The following COL9A1 variants were observed in gnomAD, a reference collection of about 807,000 sequenced individuals.
COL9A1 encodes the protein collagen type IX alpha 1 chain.
A neutral mutation model predicts 142.6 loss-of-function variants in COL9A1; 104 were observed. The observed-to-expected ratio is 0.73, with a 90% CI of 0.62 to 0.86. The LOEUF is 0.86. Among genes scored for constraint, COL9A1 ranks in the 40% least tolerant of loss-of-function variants. The pLI, the probability that COL9A1 is intolerant of heterozygous loss-of-function variation, is 0.00. For missense variants in COL9A1, 1,210 were observed against 1,176.6 expected, an observed-to-expected ratio of 1.03 and a Z score of -0.42; for synonymous variants, 466 against 396.0, an observed-to-expected ratio of 1.18 and a Z score of -2.10.
At chr6:70,283,312 T>A in intron 6 of COL9A1, 2 of 1,263,402 alleles carry the variant, frequency 1.6e-6, no homozygotes, top group Non-Finnish European at 1.1e-6. Context: ...CTTAACCCCT[T>A]CCCTGCCGCC....
chr6:70,216,881 T>TGCAGC lies in COL9A1; in HGVS notation c.*11_*15dup. ...CAGGCGTGGTTCATGCAGACAGCCA[T>TGCAGC]GCAGCAGTAAGCCTTTCAAGGGTCA... On this transcript the variant is annotated 3_prime_UTR_variant, in exon 38 of 38. Transcript: ENST00000357250. 1 of 1,613,586 alleles carries TGCAGC rather than the reference T, an allele frequency of 6.2e-7. No individual in the cohort carries two copies. The highest frequency in any genetic ancestry group is 8.5e-7 in the Non-Finnish European group (1 of 1,179,948).
intron 25 of COL9A1, 73 bp from the exon 26 acceptor site, chr6:70,253,502 C>T (rs1006408780): frequency 6.7e-6 from 7 of 1,045,192 alleles, no homozygotes; most frequent in African/African-American, 4.7e-5. Flanking sequence ...GCCCACTGCA[C>T]ACTGCAGGGA....
chr6:70,283,690 G>T, intron 6 of COL9A1, 47 bp downstream of exon 6: 3 of 1,413,406 alleles, frequency 2.1e-6, no homozygotes, highest in East Asian at 2.3e-5. Flanking sequence ...AGGTGGAGAG[G>T]GTTGAGCTGG....
At chr6:70,244,528 G>A (rs1013475455) in intron 28 of COL9A1, among the ~76,000 whole-genome samples, 27 of 152,170 alleles carry the variant, frequency 1.8e-4, no homozygotes, top group African/African-American at 6.3e-4. Flanking sequence ...GGGCTCACGT[G>A]ACTTTAATTC....
intron 17 of COL9A1, among the ~76,000 whole-genome samples, chr6:70,268,215 GA>G (rs2127587883): frequency 6.7e-6 from 1 of 148,702 alleles, no homozygotes; most frequent in South Asian, 2.1e-4. Flanking sequence ...TCCTTAATAG[GA>G]AGCACTTTTT....
chr6:70,268,876 G>T lies in COL9A1; in HGVS notation c.1231-16C>A. On this transcript the variant is annotated splice_polypyrimidine_tract_variant and intron_variant, in intron 16 of 37. Coordinates refer to ENST00000357250, the MANE Select transcript of COL9A1 (RefSeq NM_001851.6). Reference sequence around the variant, plus strand: ...CATTGGGACACTGCCAGGGAGAGAGGGAACAAAGAGAAAGAAAGACAGACA... The same window carrying T: ...CATTGGGACACTGCCAGGGAGAGAGTGAACAAAGAGAAAGAAAGACAGACA... The T allele has an allele frequency of 1.2e-6, 2 of 1,613,110 alleles. No homozygotes were observed. The highest frequency in any genetic ancestry group is 1.7e-6 in the Non-Finnish European group (2 of 1,179,402).
chr6:70,275,378 G>C (rs941049387), intron 10 of COL9A1, among the ~76,000 whole-genome samples: 5 of 151,986 alleles, frequency 3.3e-5, no homozygotes, highest in African/African-American at 1.2e-4. Flanking sequence ...ACATTTGAAA[G>C]CATGCATGTT....
intron 28 of COL9A1, among the ~76,000 whole-genome samples, chr6:70,249,729 A>G (rs1034419201): frequency 6.6e-6 from 1 of 152,128 alleles, no homozygotes; most frequent in African/African-American, 2.4e-5. Flanking sequence ...ACCCTGCATC[A>G]GCATAGCCTC....
intron 19 of COL9A1, among the ~76,000 whole-genome samples, chr6:70,262,483 TC>T (rs1278166858): frequency 6.6e-6 from 1 of 152,224 alleles, no homozygotes; most frequent in East Asian, 1.9e-4. Context: ...TGAATGGTGT[TC>T]CTGTGTTTGT....
chr6:70,252,446 A>G, intron 26 of COL9A1, 131 bp from the exon 27 acceptor site: 1 of 799,556 alleles, frequency 1.3e-6, no homozygotes, highest in Non-Finnish European at 2.2e-6. Context: ...AGAATCTGGG[A>G]ATGTGCAGAA....
chr6:70,283,497 CA>C (rs1254640651), intron 6 of COL9A1, among the ~76,000 whole-genome samples: 6 of 152,206 alleles, frequency 3.9e-5, no homozygotes, highest in Non-Finnish European at 7.3e-5. Flanking sequence ...ACCAAAGGGA[CA>C]ACCACACACC....
Position 70,223,470 on chromosome 6 carries a change from G to A in COL9A1, c.2581+2462C>T, listed in dbSNP as rs527492585. Among the ~76,000 whole-genome samples the A allele has an allele frequency of 1.7e-3, 260 of 152,242 alleles. 1 individual carries two copies. Among genetic ancestry groups the A allele is most frequent in the African/African-American group, 5.2e-3 (217 of 41,556 alleles). ...AGTTAGTTAGTGGCATAGTCAAAAC[G>A]TGAACCTAGGATGTCTGAATTGTAG... On this transcript the variant is annotated intron_variant, in intron 37 of 37. Transcript: ENST00000357250.
chr6:70,218,629 T>C (rs1349160155), intron 37 of COL9A1, among the ~76,000 whole-genome samples: 2 of 152,256 alleles, frequency 1.3e-5, no homozygotes, highest in African/African-American at 4.8e-5. Flanking sequence ...TATTTGCTTA[T>C]ATTTGGTTAC....
At chr6:70,295,519 C>T (rs1381480828) in intron 4 of COL9A1, among the ~76,000 whole-genome samples, 4 of 151,834 alleles carry the variant, frequency 2.6e-5, no homozygotes, top group Non-Finnish European at 5.9e-5. Context: ...AACTCCTGAC[C>T]TCAGGTGATC....
chr6:70,224,429 T>G (rs1769096526), intron 37 of COL9A1, among the ~76,000 whole-genome samples: 2 of 152,228 alleles, frequency 1.3e-5, no homozygotes, highest in Non-Finnish European at 2.9e-5. Context: ...ACCAACAGAT[T>G]ATTTTCAAAG....
Position 70,217,041 on chromosome 6 carries a change from G to A in COL9A1, c.2622C>T (p.Asp874=), listed in dbSNP as rs149139869. ...CCACCCCTGGGGGGCCTCGCTCACC[G>A]TCTCGGCCATTTCTGCCATAGCTGG... The part of the protein sequence containing the change: ...GPASYGRNGR[D]GERGPPGVAG... Residue 874 remains aspartate, a synonymous_variant, in exon 38 of 38, where the codon GAC becomes GAT. Coordinates refer to ENST00000357250, the MANE Select transcript of COL9A1 (RefSeq NM_001851.6). 1.5e-4 allele frequency: 237 copies of A among 1,614,140 alleles called. No homozygotes were observed. Among genetic ancestry groups the A allele is most frequent in the Non-Finnish European group, 1.8e-4 (211 of 1,180,030 alleles).
chr6:70,301,836 C>T (rs998065583), intron 2 of COL9A1, among the ~76,000 whole-genome samples, 165 bp downstream of exon 2: 2 of 152,180 alleles, frequency 1.3e-5, no homozygotes, highest in Non-Finnish European at 2.9e-5. Context: ...CAGCATTGAC[C>T]ATGGAAAACC....
Position 70,281,475 on chromosome 6 carries a change from T to C in COL9A1, c.802-11A>G. 6.2e-7 allele frequency: 1 copy of C among 1,608,436 alleles called. No individual in the cohort carries two copies. Among genetic ancestry groups the C allele is most frequent in the East Asian group, 2.2e-5 (1 of 44,766 alleles). The stretch of plus-strand genomic sequence containing the variant: ...ACCCGGGGGACCTCTCTGGCAAAAA[T>C]AGCAGACATAGGTTAGTGGAGCACA... On this transcript the variant is annotated splice_polypyrimidine_tract_variant and intron_variant, in intron 7 of 37. Transcript: ENST00000357250.
intron 20 of COL9A1, among the ~76,000 whole-genome samples, chr6:70,258,175 A>C (rs1771445578): frequency 6.6e-6 from 1 of 152,226 alleles, no homozygotes; most frequent in African/African-American, 2.4e-5. Flanking sequence ...TGCTCTCTAC[A>C]TATGCTATCT....
Sources: gnomAD v4.1 joint callset for allele counts (sites outside exome capture counted in the v4.1 genomes callset) on GRCh38, gnomAD v4.1.1 for gene constraint, MANE v1.5 for transcripts, NCBI Gene and HGNC (gene_info 2026-07-23, HGNC 2026-07-21) for gene names.